SLC6A2: variants seen among roughly 807,000 people sequenced by gnomAD.
SLC6A2 encodes the protein solute carrier family 6 member 2, also known as sodium-dependent noradrenaline transporter.
SLC6A2 carries 26 observed loss-of-function variants against 71.7 expected under a neutral mutation model. The ratio of observed to expected loss-of-function variants is 0.36; its 90% confidence interval spans 0.27 to 0.50. The LOEUF (loss-of-function observed/expected upper bound fraction) is 0.50, where lower values mean the gene tolerates loss of function less well. Among genes scored for constraint, SLC6A2 ranks in the 20% least tolerant of loss-of-function variants. The probability of loss-of-function intolerance (pLI) is 0.96; values close to 1 mark genes in which losing one functional copy is unlikely to be tolerated. For synonymous variants in SLC6A2, 363 were observed against 337.9 expected, an observed-to-expected ratio of 1.07 and a Z score of -0.82; for missense variants, 581 against 803.9, an observed-to-expected ratio of 0.72 and a Z score of 3.35.
At chr16:55,671,658 A>G in intron 3 of SLC6A2, 2 of 606,378 alleles carry the variant, frequency 3.3e-6, no homozygotes, top group Non-Finnish European at 5.7e-6. Context: ...TGAACTGCGC[A>G]TGCGAGGGAT....
chr16:55,673,549 T>C (rs1343699785), intron 4 of SLC6A2, among the ~76,000 whole-genome samples: 3 of 151,778 alleles, frequency 2.0e-5, no homozygotes, highest in Non-Finnish European at 4.4e-5. Context: ...TTCCATCATT[T>C]CTTCTATTTT....
At chr16:55,674,605 A>G (rs982185509) in intron 4 of SLC6A2, among the ~76,000 whole-genome samples, 1 of 151,886 alleles carries the variant, frequency 6.6e-6, no homozygotes, top group Non-Finnish European at 1.5e-5. Flanking sequence ...TTGAATTTTT[A>G]GTAGAGACAG....
chr16:55,693,482 G>A (rs1965700874), intron 6 of SLC6A2, among the ~76,000 whole-genome samples: 1 of 152,238 alleles, frequency 6.6e-6, no homozygotes, highest in Non-Finnish European at 1.5e-5. Context: ...GCTAGAACAT[G>A]AGGCAGAGAA....
chr16:55,674,330 C>T (rs1965014724), intron 4 of SLC6A2, among the ~76,000 whole-genome samples: 1 of 152,132 alleles, frequency 6.6e-6, no homozygotes, highest in Non-Finnish European at 1.5e-5. Flanking sequence ...GGATAATGGC[C>T]TCCAGCTACA....
intron 3 of SLC6A2, among the ~76,000 whole-genome samples, chr16:55,671,402 G>C (rs1964906107): frequency 6.6e-6 from 1 of 152,140 alleles, no homozygotes; most frequent in Admixed American, 6.5e-5. Flanking sequence ...GAGAGCTCTC[G>C]GGCAAAGAGA....
At chr16:55,686,532 G>A (rs1965457424) in intron 5 of SLC6A2, among the ~76,000 whole-genome samples, 1 of 152,176 alleles carries the variant, frequency 6.6e-6, no homozygotes, top group African/African-American at 2.4e-5. Flanking sequence ...GGGGGCCACA[G>A]CGCAACAGTC....
intron 5 of SLC6A2, among the ~76,000 whole-genome samples, chr16:55,691,300 C>T (rs137882852): frequency 2.6e-4 from 34 of 131,330 alleles, no homozygotes; most frequent in African/African-American, 9.4e-4. Flanking sequence ...TTCTAAATAT[C>T]CTGCCAGTCA....
chr16:55,702,461 G>A lies in SLC6A2; in HGVS notation c.*115G>A. On this transcript the variant is annotated 3_prime_UTR_variant, in exon 15 of 15. Transcript: ENST00000568943. ...TCCTCCCCTGGAAGTTGTCCTTTCT[G>A]ATCCTCTCTTCTTTTCCCATTTACA... 2 of 1,594,336 alleles carry A rather than the reference G, an allele frequency of 1.3e-6. No homozygotes were observed. The highest frequency in any genetic ancestry group is 1.7e-6 in the Non-Finnish European group (2 of 1,169,860).
rs11568320 is a variant in SLC6A2 at position 55,657,007 on chromosome 16, G to A, written c.274+39G>A. 311 of 1,606,168 alleles carry A rather than the reference G, an allele frequency of 1.9e-4. 2 individuals carry two copies. In the African/African-American group the frequency reaches 3.0e-3, roughly 15 times the overall value. ...CGGGCTGGGAATTTGAATCTGGGAG[G>A]TCCACTGTCTGCAGCGGTGGCTGGG... On this transcript the variant is annotated intron_variant, in intron 2 of 14. Coordinates refer to ENST00000568943, the MANE Select transcript of SLC6A2 (RefSeq NM_001172501.3).
At chr16:55,658,310 G>A (rs1453629738) in intron 2 of SLC6A2, among the ~76,000 whole-genome samples, 4 of 152,118 alleles carry the variant, frequency 2.6e-5, no homozygotes, top group African/African-American at 9.7e-5. Flanking sequence ...TCAGGAGTTC[G>A]AGACCAGCCT....
intron 4 of SLC6A2, among the ~76,000 whole-genome samples, chr16:55,681,835 A>C (rs1355174218): frequency 6.6e-6 from 1 of 152,234 alleles, no homozygotes; most frequent in African/African-American, 2.4e-5. Context: ...TGTGTTTTGG[A>C]ATTAAAGCCA....
In SLC6A2 at chr16:55,656,545, G is replaced by T. The variant is rs1173999780; in HGVS notation, c.-51-99G>T. 5 of 942,870 alleles carry T rather than the reference G, an allele frequency of 5.3e-6. No homozygotes were observed. Among genetic ancestry groups the T allele is most frequent in the Non-Finnish European group, 8.3e-6 (5 of 599,930 alleles). The allele number at this position is 942,870 out of a possible 1,614,324, so 58.4% of individuals were successfully genotyped here. ...TGGGAACCCTGCGTCCGCTCAGCGC[G>T]CGCTCATCCCAGTGTCTAAGGCGCT... On this transcript the variant is annotated intron_variant, in intron 1 of 14. Coordinates refer to ENST00000568943, the MANE Select transcript of SLC6A2 (RefSeq NM_001172501.3). The surrounding 1 kb of genome is among the most constrained non-coding windows in gnomAD (Gnocchi z 4.5).
At chr16:55,695,434 A>G in intron 8 of SLC6A2, 32 bp downstream of exon 8, 2 of 1,613,296 alleles carry the variant, frequency 1.2e-6, no homozygotes, top group East Asian at 4.5e-5. Flanking sequence ...GCCCCAGCCC[A>G]CTGAGGCGGG....
chr16:55,686,293 A>G (rs1215797661), intron 5 of SLC6A2, among the ~76,000 whole-genome samples: 1 of 152,164 alleles, frequency 6.6e-6, no homozygotes, highest in Non-Finnish European at 1.5e-5. Flanking sequence ...TGCCAACCAG[A>G]GCATCTTGGG....
intron 5 of SLC6A2, among the ~76,000 whole-genome samples, chr16:55,685,978 A>G (rs1965438988): frequency 6.6e-6 from 1 of 152,056 alleles, no homozygotes; most frequent in Non-Finnish European, 1.5e-5. Context: ...GGGAACAACA[A>G]CCCCATTTGG....
chr16:55,665,961 T>C lies in SLC6A2; in HGVS notation c.275-3604T>C, dbSNP rs1170097257. On this transcript the variant is annotated intron_variant, in intron 2 of 14. Coordinates refer to ENST00000568943, the MANE Select transcript of SLC6A2 (RefSeq NM_001172501.3). ...TCATGGTCGACAGTTCTTTTTCTCATGTGGTTGTGTGAGTGCGTTGACATG... is the reference window on the plus strand; with the variant it reads ...TCATGGTCGACAGTTCTTTTTCTCACGTGGTTGTGTGAGTGCGTTGACATG... Among the ~76,000 whole-genome samples, 27 of 152,232 alleles carry C rather than the reference T, an allele frequency of 1.8e-4. 1 individual carries two copies. Among genetic ancestry groups the C allele is most frequent in the Admixed American group, 1.8e-3 (27 of 15,286 alleles).
At chr16:55,676,515 C>G (rs1429805428) in intron 4 of SLC6A2, among the ~76,000 whole-genome samples, 1 of 152,220 alleles carries the variant, frequency 6.6e-6, no homozygotes, top group East Asian at 1.9e-4. Flanking sequence ...TGAGAGTGCG[C>G]ATCTCCCATT....
intron 9 of SLC6A2, among the ~76,000 whole-genome samples, 172 bp downstream of exon 9, chr16:55,696,509 T>C (rs545594493): frequency 7.9e-5 from 12 of 152,100 alleles, no homozygotes; most frequent in Non-Finnish European, 1.6e-4. Context: ...CTCAAAAAGA[T>C]AAGACTTAGG....
intron 2 of SLC6A2, among the ~76,000 whole-genome samples, chr16:55,660,396 C>G (rs1464875753): frequency 6.6e-6 from 1 of 152,194 alleles, no homozygotes; most frequent in African/African-American, 2.4e-5. Context: ...CCCTCCATCT[C>G]AGACTATGAG....
Sources: allele counts gnomAD v4.1 joint callset (sites outside exome capture counted in the v4.1 genomes callset), GRCh38; gene constraint gnomAD v4.1.1; non-coding constraint Gnocchi (gnomAD v3.1); transcripts MANE v1.5; gene names NCBI Gene and HGNC (gene_info 2026-07-23, HGNC 2026-07-21).